The following LRRC7 variants were observed in gnomAD, a reference collection of about 807,000 sequenced individuals.
The protein encoded by LRRC7 is leucine-rich repeat-containing protein 7.
LRRC7 carries 23 observed loss-of-function variants against 175.7 expected under a neutral mutation model. That is an observed-to-expected ratio of 0.13 (90% CI 0.09 to 0.19). LRRC7 has a LOEUF of 0.19. Among genes scored for constraint, LRRC7 ranks in the 10% least tolerant of loss-of-function variants. The probability of loss-of-function intolerance (pLI) is 1.00; values close to 1 mark genes in which losing one functional copy is unlikely to be tolerated. For synonymous variants in LRRC7, 685 were observed against 680.9 expected, an observed-to-expected ratio of 1.01 and a Z score of -0.09; for missense variants, 1,354 against 1,904.7, an observed-to-expected ratio of 0.71 and a Z score of 5.38.
At chr1:69,894,013 AT>A (rs1557860729) in intron 7 of LRRC7, among the ~76,000 whole-genome samples, 1 of 152,208 alleles carries the variant, frequency 6.6e-6, no homozygotes, top group Non-Finnish European at 1.5e-5. Flanking sequence ...AGCAGAGCCT[AT>A]TCAAGAGTGG....
chr1:69,855,948 C>A (rs1352511019), intron 7 of LRRC7, among the ~76,000 whole-genome samples: 1 of 152,068 alleles, frequency 6.6e-6, no homozygotes, highest in African/African-American at 2.4e-5. Flanking sequence ...AGGATTGCAA[C>A]CCCTGCCTTT....
intron 23 of LRRC7, among the ~76,000 whole-genome samples, chr1:70,071,009 C>A (rs78836479): frequency 0.012 from 1,794 of 152,256 alleles, 43 homozygotes; most frequent in African/African-American, 0.041. Flanking sequence ...TGCCTTGTGA[C>A]ATCCTCACAA....
intron 1 of LRRC7, among the ~76,000 whole-genome samples, chr1:69,672,934 G>C (rs1263219386): frequency 6.6e-6 from 1 of 152,164 alleles, no homozygotes; most frequent in East Asian, 1.9e-4. Flanking sequence ...CTTTGATTGT[G>C]CTTTTCTGGC....
rs746487988 is a variant in LRRC7, at chr1:69,986,226, A to G, written c.787-16A>G. On this transcript the variant is annotated splice_polypyrimidine_tract_variant and intron_variant, in intron 9 of 26. Coordinates refer to ENST00000651989, the MANE Select transcript of LRRC7 (RefSeq NM_001370785.2). ...AAGTCTCTCAACTAACCCTGAGTTT[A>G]TGCAATGTCATCAAGTCTATAGGGA... is the stretch of plus-strand genomic sequence containing the variant. 1 of 1,608,980 alleles carries G rather than the reference A, an allele frequency of 6.2e-7. No homozygotes were observed. The highest frequency in any genetic ancestry group is 2.2e-5 in the East Asian group (1 of 44,664).
At chr1:69,897,441 G>A (rs1053093102) in intron 7 of LRRC7, among the ~76,000 whole-genome samples, 6 of 151,898 alleles carry the variant, frequency 4.0e-5, no homozygotes, top group African/African-American at 1.5e-4. Context: ...CCACCATTCT[G>A]TATGTTGTAT....
intron 2 of LRRC7, among the ~76,000 whole-genome samples, chr1:69,738,014 A>T (rs147726323): frequency 1.5e-3 from 223 of 152,164 alleles, no homozygotes; most frequent in African/African-American, 4.6e-3. Context: ...CACTTGTCAA[A>T]TAGGAAATCT....
At chr1:69,879,768 G>A (rs992159995) in intron 7 of LRRC7, 1 of 152,346 alleles carries the variant, frequency 6.6e-6, no homozygotes, top group Non-Finnish European at 1.5e-5. Context: ...CTAAGGAGGG[G>A]TGAACCAACT....
intron 23 of LRRC7, among the ~76,000 whole-genome samples, chr1:70,058,632 C>T (rs1392952960): frequency 6.6e-6 from 1 of 152,122 alleles, no homozygotes; most frequent in Non-Finnish European, 1.5e-5. Context: ...TAATGTATTT[C>T]TTTATCTAAC....
rs1020463118 is a variant in LRRC7, at chr1:69,923,616, G to C, written c.648-7891G>C. 2.0e-5 allele frequency among the ~76,000 whole-genome samples: 3 copies of C among 152,318 alleles called. No individual in the cohort carries two copies. The East Asian group carries it at 5.8e-4, about 29-fold the overall frequency. ...AAATGTCTTCTTTTCAGAAGTGTCT[G>C]TTCATGTCCTTTGCCCACTTTTTGA... On this transcript the variant is annotated intron_variant, in intron 7 of 26. Transcript: ENST00000651989.
At chr1:69,717,770 A>AAAAGAAAGAAAGAAAGAAAGAAAG (rs754971717) in intron 2 of LRRC7, among the ~76,000 whole-genome samples, 1 of 42,392 alleles carries the variant, frequency 2.4e-5, no homozygotes, top group African/African-American at 1.1e-4. Context: ...AAAAAAGAAA[A>AAAAGAAAGAAAGAAAGAAAGAAAG]AAAGAAAGAA....
intron 7 of LRRC7, among the ~76,000 whole-genome samples, chr1:69,842,603 A>G (rs1681850569): frequency 6.6e-6 from 1 of 152,152 alleles, no homozygotes; most frequent in Non-Finnish European, 1.5e-5. Flanking sequence ...CAGTAAATAC[A>G]GTAAAACCTG....
At chr1:69,573,539 A>G (rs1645822685) in intron 1 of LRRC7, among the ~76,000 whole-genome samples, 4 of 152,178 alleles carry the variant, frequency 2.6e-5, no homozygotes, top group Admixed American at 2.6e-4. Context: ...TACATTATGG[A>G]AGTTTTCAAT....
At chr1:69,819,429 C>CTG (rs1678974494) in intron 4 of LRRC7, among the ~76,000 whole-genome samples, 1 of 151,954 alleles carries the variant, frequency 6.6e-6, no homozygotes, top group Admixed American at 6.6e-5. Flanking sequence ...TGAAAAGATA[C>CTG]TTGATATTAT....
rs185164751 is a variant in LRRC7 at position 69,795,154 on chromosome 1, A to G, written c.421+2994A>G. 4.4e-3 allele frequency among the ~76,000 whole-genome samples: 671 copies of G among 152,232 alleles called. 7 individuals are homozygous for G. Among genetic ancestry groups the G allele is most frequent in the Non-Finnish European group, 4.3e-3 (294 of 67,990 alleles). On this transcript the variant is annotated intron_variant, in intron 4 of 26. Coordinates refer to ENST00000651989, the MANE Select transcript of LRRC7 (RefSeq NM_001370785.2). ...CCCAGCACTTTGAGAGGCCCGGGCC[A>G]GGGGATCGTGAGGTCGGGAGTTTGA...
At chr1:69,815,699 G>C (rs547518672) in intron 4 of LRRC7, among the ~76,000 whole-genome samples, 1 of 152,202 alleles carries the variant, frequency 6.6e-6, no homozygotes, top group South Asian at 2.1e-4. Context: ...CTGTTCAGGG[G>C]GCTATAACAA....
chr1:70,053,155 T>G lies in LRRC7; in HGVS notation c.4230+10T>G. 6.3e-7 allele frequency: 1 copy of G among 1,597,502 alleles called. No individual in the cohort carries two copies. The highest frequency in any genetic ancestry group is 8.5e-7 in the Non-Finnish European group (1 of 1,172,784). ...CACCATTACTAAGAAGGTAACCAAT[T>G]TTTAATTAACAAGACAAACCATGAA... On this transcript the variant is annotated intron_variant, in intron 23 of 26. Coordinates refer to ENST00000651989, the MANE Select transcript of LRRC7 (RefSeq NM_001370785.2).
In LRRC7 at chr1:70,018,768, A is replaced by G. The variant is rs1657180658; in HGVS notation, c.1370A>G (p.Gln457Arg). ...LQTEAHPETK[Q>R]RVLTNYMFPQ... ...ACAGAAGCCCATCCAGAAACAAAGCAAAGAGTATTGACTAACTACATGTTT... is the reference window on the plus strand; with the variant it reads ...ACAGAAGCCCATCCAGAAACAAAGCGAAGAGTATTGACTAACTACATGTTT... The change falls in exon 15 of 27, where the codon CAA (glutamine) becomes CGA (arginine). Residue 457 changes from glutamine (Q) to arginine (R), a missense_variant. Gln to Arg is a conservative substitution (Grantham distance 43, BLOSUM62 1). Transcript: ENST00000651989. 1.2e-6 allele frequency: 2 copies of G among 1,612,952 alleles called. No individual in the cohort carries two copies. The highest frequency in any genetic ancestry group is 8.5e-7 in the Non-Finnish European group (1 of 1,179,166).
At chr1:69,990,062 T>A (rs910190938) in intron 10 of LRRC7, among the ~76,000 whole-genome samples, 2 of 152,064 alleles carry the variant, frequency 1.3e-5, no homozygotes, top group Non-Finnish European at 2.9e-5. Flanking sequence ...ACAAATATAT[T>A]TGAACATATA....
chr1:69,753,990 G>T lies in LRRC7; in HGVS notation c.101-6201G>T, dbSNP rs1466070307. On this transcript the variant is annotated intron_variant, in intron 2 of 26. Coordinates refer to ENST00000651989, the MANE Select transcript of LRRC7 (RefSeq NM_001370785.2). ...ATCTGAAGGCTCTAGTATAGGAGAGGTCATATAATCTTAAAAATACAAAGG... is the reference window on the plus strand; with the variant it reads ...ATCTGAAGGCTCTAGTATAGGAGAGTTCATATAATCTTAAAAATACAAAGG... 2.0e-5 allele frequency among the ~76,000 whole-genome samples: 3 copies of T among 152,124 alleles called. No individual in the cohort carries two copies. The East Asian group carries it at 5.8e-4, about 30-fold the overall frequency.
Sources: allele counts gnomAD v4.1 joint callset (sites outside exome capture counted in the v4.1 genomes callset), GRCh38; gene constraint gnomAD v4.1.1; transcripts MANE v1.5; gene names NCBI Gene and HGNC (gene_info 2026-07-23, HGNC 2026-07-21).